PRRG1: variants seen among roughly 807,000 people sequenced by gnomAD.
The protein encoded by PRRG1 is proline rich and Gla domain 1, also known as transmembrane gamma-carboxyglutamic acid protein 1.
PRRG1 carries 5 observed loss-of-function variants against 11.8 expected under a neutral mutation model. That is an observed-to-expected ratio of 0.42 (90% CI 0.22 to 0.89). The LOEUF (loss-of-function observed/expected upper bound fraction) is 0.89, where lower values mean the gene tolerates loss of function less well. Ranked by LOEUF, PRRG1 falls within the 40% of genes least tolerant of loss-of-function variation. PRRG1 has a pLI of 0.28. For synonymous variants in PRRG1, 66 were observed against 60.4 expected (o/e 1.09, Z -0.43); for missense variants, 155 against 166.1 (o/e 0.93, Z 0.37).
intron 3 of PRRG1, among the ~76,000 whole-genome samples, chrX:37,433,377 G>A (rs1427580936): frequency 9.0e-6 from 1 of 111,581 alleles, no homozygotes; most frequent in Middle Eastern, 4.2e-3. Context: ...CAGACAGCAC[G>A]TGACCTGCCT....
chrX:37,422,690 T>C (rs1932696097), intron 2 of PRRG1, among the ~76,000 whole-genome samples: 1 of 111,758 alleles, frequency 8.9e-6, no homozygotes, highest in Non-Finnish European at 1.9e-5. Context: ...TACAAATACA[T>C]GCATGCATAA....
chrX:37,391,630 G>C (rs2146555540), intron 1 of PRRG1, among the ~76,000 whole-genome samples: 1 of 111,459 alleles, frequency 9.0e-6, no homozygotes, highest in Non-Finnish European at 1.9e-5. Flanking sequence ...TGAAGGGGTG[G>C]GTCAAGGCTG....
At chrX:37,366,251 G>A (rs1556369311) in intron 1 of PRRG1, among the ~76,000 whole-genome samples, 1 of 111,908 alleles carries the variant, frequency 8.9e-6, no homozygotes, top group Non-Finnish European at 1.9e-5. Flanking sequence ...TAACAAGCCT[G>A]GTAAGCTGCT....
At chrX:37,433,930 C>G (rs1932857926) in intron 3 of PRRG1, among the ~76,000 whole-genome samples, 1 of 112,252 alleles carries the variant, frequency 8.9e-6, no homozygotes, top group African/African-American at 3.2e-5. Context: ...AGCCTTTGAT[C>G]TAGCAAATGT....
chrX:37,442,564 A>G (rs1556394192), intron 3 of PRRG1, among the ~76,000 whole-genome samples: 1 of 111,426 alleles, frequency 9.0e-6, no homozygotes, highest in Admixed American at 9.5e-5. Context: ...GTGTAAAACA[A>G]TGGTATGGAA....
intron 1 of PRRG1, among the ~76,000 whole-genome samples, chrX:37,388,032 G>A (rs1410928425): frequency 1.8e-5 from 2 of 112,025 alleles, no homozygotes; most frequent in Non-Finnish European, 3.8e-5. Flanking sequence ...ATCCAGGAAG[G>A]TAGTCATTAA....
intron 1 of PRRG1, among the ~76,000 whole-genome samples, chrX:37,358,692 T>C (rs782819148): frequency 9.0e-6 from 1 of 111,630 alleles, no homozygotes; most frequent in African/African-American, 3.3e-5. Context: ...CTATTCTGTA[T>C]CTGCTGCCTC....
chrX:37,451,232 G>C (rs926657984), intron 3 of PRRG1, among the ~76,000 whole-genome samples: 1 of 111,680 alleles, frequency 9.0e-6, no homozygotes, highest in Non-Finnish European at 1.9e-5. Context: ...TGGTCAGGCC[G>C]GTCTCGAACT....
chrX:37,372,799 G>T (rs912448256), intron 1 of PRRG1, among the ~76,000 whole-genome samples: 1 of 112,631 alleles, frequency 8.9e-6, no homozygotes, highest in Admixed American at 9.3e-5. Flanking sequence ...TTAGTTTGAT[G>T]AAATCTAATT....
At chrX:37,402,474 A>G (rs1556380702) in intron 1 of PRRG1, among the ~76,000 whole-genome samples, 1 of 111,797 alleles carries the variant, frequency 8.9e-6, no homozygotes, top group Non-Finnish European at 1.9e-5. Context: ...CCTTATACAA[A>G]AATTAATTCA....
intron 2 of PRRG1, among the ~76,000 whole-genome samples, chrX:37,418,635 A>G (rs1433489006): frequency 8.9e-6 from 1 of 111,988 alleles, no homozygotes; most frequent in Non-Finnish European, 1.9e-5. Context: ...CTTGAACATC[A>G]TCCTGAACAT....
chrX:37,456,010 G>A lies in PRRG1; in HGVS notation c.*2389G>A, dbSNP rs1268991493. The A allele has an allele frequency of 8.9e-6, 1 of 112,066 alleles. No homozygotes were observed. Among genetic ancestry groups the A allele is most frequent in the East Asian group, 2.8e-4 (1 of 3,603 alleles). 9.2% of individuals were successfully genotyped at this position (112,066 alleles called of 1,213,427 possible). ...CTTTTCACTCTATCTCAAAAAAAGT[G>A]TTGCAAATGTAAAACATTGCCATCT... On this transcript the variant is annotated 3_prime_UTR_variant, in exon 4 of 4. Coordinates refer to ENST00000378628, the MANE Select transcript of PRRG1 (RefSeq NM_001142395.2).
intron 1 of PRRG1, among the ~76,000 whole-genome samples, chrX:37,363,921 T>A (rs1027098904): frequency 8.9e-6 from 1 of 112,220 alleles, no homozygotes; most frequent in Non-Finnish European, 1.9e-5. Context: ...TCCAGAGGCA[T>A]ATACATGACT....
intron 2 of PRRG1, among the ~76,000 whole-genome samples, chrX:37,419,302 A>G (rs1257081946): frequency 8.9e-6 from 1 of 111,920 alleles, no homozygotes; most frequent in East Asian, 2.8e-4. Flanking sequence ...ATAAGCTATC[A>G]ACATATATTT....
chrX:37,378,000 C>T (rs1226122678), intron 1 of PRRG1, among the ~76,000 whole-genome samples: 1 of 111,628 alleles, frequency 9.0e-6, no homozygotes, highest in Non-Finnish European at 1.9e-5. Context: ...GTGCTCCAAG[C>T]TGCTCTGAGG....
rs1931944398 is a variant in PRRG1 at position 37,400,797 on chromosome X, G to A, written c.-41-5412G>A. Among the ~76,000 whole-genome samples the A allele has an allele frequency of 2.7e-5, 3 of 111,011 alleles. 1 individual carries two copies. In the Admixed American group the frequency reaches 2.9e-4, roughly 11 times the overall value. ...ATAGACACAATAAAAAATGATAAAG[G>A]GAATATCACCACCAATCCCACAGAA... On this transcript the variant is annotated intron_variant, in intron 1 of 3. Coordinates refer to ENST00000378628, the MANE Select transcript of PRRG1 (RefSeq NM_001142395.2).
At position 37,391,387 on chromosome X, in the gene PRRG1, GA is replaced by G. The variant is rs202060688; in HGVS notation, c.-41-14812del. Among the ~76,000 whole-genome samples the G allele has an allele frequency of 5.5e-3, 589 of 107,135 alleles. 5 individuals are homozygous for G. Among genetic ancestry groups the G allele is most frequent in the Non-Finnish European group, 6.3e-3 (324 of 51,531 alleles). The allele number at this position is 107,135 out of a possible 115,157, so 93.0% of individuals were successfully genotyped here. A position where few individuals can be genotyped will look rare whatever the true frequency, so the allele number is the denominator to read the frequency against. On this transcript the variant is annotated intron_variant, in intron 1 of 3. Transcript: ENST00000378628. ...TAAATACACAGTAAAGAAAGAAGCA[GA>G]AAAAAAAAATCAACTATTGGGAGAA...
intron 1 of PRRG1, among the ~76,000 whole-genome samples, chrX:37,392,110 T>G (rs1361364305): frequency 1.8e-5 from 2 of 111,758 alleles, no homozygotes; most frequent in African/African-American, 6.5e-5. Flanking sequence ...TGGTTTTACA[T>G]TTTTAAATGC....
intron 3 of PRRG1, among the ~76,000 whole-genome samples, chrX:37,451,220 G>T (rs1297895657): frequency 8.9e-6 from 1 of 111,865 alleles, no homozygotes; most frequent in Non-Finnish European, 1.9e-5. Context: ...GTTTCTCCAT[G>T]TTGGTCAGGC....
Sources: gnomAD v4.1 joint callset for allele counts (sites outside exome capture counted in the v4.1 genomes callset) on GRCh38, gnomAD v4.1.1 for gene constraint, MANE v1.5 for transcripts, NCBI Gene and HGNC (gene_info 2026-07-23, HGNC 2026-07-21) for gene names.